Variants in XRN2 observed in about 807,000 individuals in gnomAD.
XRN2 encodes DHM1-like protein.
In XRN2, 44 loss-of-function variants were observed where a neutral mutation model predicts 138.5. The ratio of observed to expected loss-of-function variants is 0.32; its 90% CI spans 0.25 to 0.41. The LOEUF is 0.41. XRN2 is among the 10% of genes least tolerant of loss of function. The pLI, the probability that XRN2 is intolerant of heterozygous loss-of-function variation, is 1.00. For synonymous variants in XRN2, 354 were observed against 369.4 expected (o/e 0.96, Z 0.48); for missense variants, 937 against 1,169.3 (o/e 0.80, Z 2.90).
chr20:21,339,165 C>T, intron 14 of XRN2, 77 bp downstream of exon 14: 1 of 1,424,916 alleles, frequency 7.0e-7, no homozygotes, highest in Non-Finnish European at 9.8e-7. Context: ...ATTACAGTAG[C>T]TTTATTCCTT....
intron 6 of XRN2, among the ~76,000 whole-genome samples, chr20:21,331,339 T>A (rs1414451005): frequency 1.3e-5 from 2 of 151,198 alleles, no homozygotes; most frequent in Non-Finnish European, 1.5e-5. Flanking sequence ...TTGGTGTCTC[T>A]CACACACACA....
chr20:21,328,680 A>G lies in XRN2; in HGVS notation c.427+10A>G. On this transcript the variant is annotated intron_variant, in intron 4 of 29. Transcript: ENST00000377191. ...GAAATATTGGCAAAAGGTAAAGAAT[A>G]TGCATCTTGAAGTTGGATTTTTTCA... 5 of 1,610,620 alleles carry G rather than the reference A, an allele frequency of 3.1e-6. No individual in the cohort carries two copies. Among genetic ancestry groups the G allele is most frequent in the African/African-American group, 1.3e-5 (1 of 75,048 alleles).
rs2038464677 is a variant in XRN2 at position 21,348,350 on chromosome 20, C to G, written c.1783C>G (p.Leu595Val). 1 of 1,613,866 alleles carries G rather than the reference C, an allele frequency of 6.2e-7. No homozygotes were observed. Among genetic ancestry groups the G allele is most frequent in the African/African-American group, 1.3e-5 (1 of 74,896 alleles). ...TTTTTTCTTTTTTCAGTTTAAACCACTAGAACAACTTATGGGGGTATTTCC... is the reference window on the plus strand; with the variant it reads ...TTTTTTCTTTTTTCAGTTTAAACCAGTAGAACAACTTATGGGGGTATTTCC... The part of the protein sequence containing the change: ...FEKGTKPFKP[L>V]EQLMGVFPAA... Residue 595 changes from leucine (L) to valine (V), a missense_variant, in exon 19 of 30, where the codon CTA (leucine) becomes GTA (valine). By Grantham distance (32) the Leu-to-Val change is conservative. Transcript: ENST00000377191.
At chr20:21,362,583 G>T (rs886688785) in intron 24 of XRN2, among the ~76,000 whole-genome samples, 1 of 151,368 alleles carries the variant, frequency 6.6e-6, no homozygotes, top group Non-Finnish European at 1.5e-5. Flanking sequence ...CTGCTGGGTT[G>T]TTCTTTCTGA....
Position 21,389,449 on chromosome 20 carries a change from ATTTCT to A in XRN2, c.*115_*119del, listed in dbSNP as rs2038966851. 2 of 984,960 alleles carry A rather than the reference ATTTCT, an allele frequency of 2.0e-6. No homozygotes were observed. The highest frequency in any genetic ancestry group is 1.6e-5 in the African/African-American group (1 of 60,710). 61.0% of individuals were successfully genotyped at this position (984,960 alleles called of 1,614,324 possible). A position where few individuals can be genotyped will look rare whatever the true frequency, so the allele number is the denominator to read the frequency against. On this transcript the variant is annotated 3_prime_UTR_variant, in exon 30 of 30. Transcript: ENST00000377191. ...TTAATAAAACTACAGTACTTTGTGT[ATTTCT>A]TTTAACTGTGTATATTTCTACTGAT...
At chr20:21,316,461 G>T (rs934615044) in intron 1 of XRN2, among the ~76,000 whole-genome samples, 8 of 152,058 alleles carry the variant, frequency 5.3e-5, no homozygotes, top group African/African-American at 1.9e-4. Context: ...AGTTGTTTGG[G>T]TTGAGTTAAG....
At position 21,348,443 on chromosome 20, in the gene XRN2, AT is replaced by A; in HGVS notation, c.1863+17del. 2 of 1,609,382 alleles carry A rather than the reference AT, an allele frequency of 1.2e-6. No individual in the cohort carries two copies. The highest frequency in any genetic ancestry group is 8.5e-7 in the Non-Finnish European group (1 of 1,177,448). ...CATGAGTGATCCTGTGAGTCTCAGT[AT>A]TTTGAGTGTGTGGGTGACAGGATTT... is the stretch of plus-strand genomic sequence containing the variant. On this transcript the variant is annotated intron_variant, in intron 19 of 29. Coordinates refer to ENST00000377191, the MANE Select transcript of XRN2 (RefSeq NM_012255.5).
rs918471893 is a variant in XRN2, at chr20:21,303,378, C to T, written c.-21C>T. On this transcript the variant is annotated 5_prime_UTR_variant, in exon 1 of 30. Coordinates refer to ENST00000377191, the MANE Select transcript of XRN2 (RefSeq NM_012255.5). ...TTACGCTCGTCAGCCGGTCGGCCGC[C>T]GCCTCCAGCCGTGTGCCGCTATGGG... The T allele has an allele frequency of 1.9e-6, 3 of 1,542,680 alleles. No homozygotes were observed. Among genetic ancestry groups the T allele is most frequent in the Non-Finnish European group, 2.6e-6 (3 of 1,144,282 alleles).
At chr20:21,365,246 A>T (rs372853965) in intron 24 of XRN2, among the ~76,000 whole-genome samples, 175 bp from the exon 25 acceptor site, 1 of 152,186 alleles carries the variant, frequency 6.6e-6, no homozygotes, top group South Asian at 2.1e-4. Flanking sequence ...CATGAAGGTT[A>T]TATGTACCAG....
intron 24 of XRN2, among the ~76,000 whole-genome samples, chr20:21,363,835 T>C (rs1165651359): frequency 6.6e-6 from 1 of 152,264 alleles, no homozygotes; most frequent in Non-Finnish European, 1.5e-5. Flanking sequence ...AACAAGTTAC[T>C]AACTTATAGA....
At chr20:21,339,568 G>A (rs961530566) in intron 14 of XRN2, among the ~76,000 whole-genome samples, 1 of 152,108 alleles carries the variant, frequency 6.6e-6, no homozygotes, top group Non-Finnish European at 1.5e-5. Flanking sequence ...AATTCCAGCC[G>A]TCCAGCACAT....
chr20:21,373,099 A>G (rs1205297975), intron 27 of XRN2, among the ~76,000 whole-genome samples: 1 of 151,856 alleles, frequency 6.6e-6, no homozygotes, highest in Admixed American at 6.6e-5. Flanking sequence ...CACAACCTCC[A>G]CCTTTTAGGT....
intron 16 of XRN2, among the ~76,000 whole-genome samples, chr20:21,344,421 C>T (rs1372108191): frequency 2.0e-5 from 3 of 152,104 alleles, no homozygotes; most frequent in African/African-American, 7.2e-5. Flanking sequence ...GATTAGTATG[C>T]GTGCAGGCTT....
Position 21,347,880 on chromosome 20 carries a change from A to G in XRN2, c.1666-266A>G, listed in dbSNP as rs562248116. 8.5e-5 allele frequency among the ~76,000 whole-genome samples: 13 copies of G among 152,376 alleles called. No individual in the cohort carries two copies. The South Asian group carries it at 2.5e-3, about 29-fold the overall frequency. ...AAATCTTACCAAATTGTGTTTGTGA[A>G]TATGAAGTTTGGCAGTAACTACTGA... is the stretch of plus-strand genomic sequence containing the variant. On this transcript the variant is annotated intron_variant, in intron 17 of 29. Coordinates refer to ENST00000377191, the MANE Select transcript of XRN2 (RefSeq NM_012255.5).
At chr20:21,337,439 A>G (rs1275210745) in intron 13 of XRN2, among the ~76,000 whole-genome samples, 1 of 152,180 alleles carries the variant, frequency 6.6e-6, no homozygotes, top group Non-Finnish European at 1.5e-5. Flanking sequence ...GGGAGGTGCA[A>G]AGGTGGGTTG....
At chr20:21,357,066 A>G (rs2038584384) in intron 23 of XRN2, among the ~76,000 whole-genome samples, 1 of 152,210 alleles carries the variant, frequency 6.6e-6, no homozygotes, top group Non-Finnish European at 1.5e-5. Context: ...TTGAAAGTAT[A>G]CAACAATGAC....
chr20:21,349,081 A>C (rs570187016), intron 19 of XRN2, among the ~76,000 whole-genome samples: 7 of 152,322 alleles, frequency 4.6e-5, no homozygotes, highest in African/African-American at 1.7e-4. Flanking sequence ...AGCTAGAAAG[A>C]GTGAGACCCA....
At chr20:21,317,902 G>GT (rs2037982439) in intron 1 of XRN2, among the ~76,000 whole-genome samples, 1 of 152,118 alleles carries the variant, frequency 6.6e-6, no homozygotes, top group Admixed American at 6.5e-5. Flanking sequence ...CTGGTCTGCA[G>GT]TTTTTTCTTT....
rs999911555 is a variant in XRN2, at chr20:21,339,146, A to T, written c.1278+58A>T. The T allele has an allele frequency of 2.0e-6, 3 of 1,521,426 alleles. No homozygotes were observed. The African/African-American group carries it at 4.1e-5, about 21-fold the overall frequency. The allele number at this position is 1,521,426 out of a possible 1,614,324, so 94.2% of individuals were successfully genotyped here. ...TAGCGTAATTTTACAATTTATGAGG[A>T]AGATGTTCATTACAGTAGCTTTATT... On this transcript the variant is annotated intron_variant, in intron 14 of 29. Coordinates refer to ENST00000377191, the MANE Select transcript of XRN2 (RefSeq NM_012255.5).
Sources: gnomAD v4.1 joint callset for allele counts (sites outside exome capture counted in the v4.1 genomes callset) on GRCh38, gnomAD v4.1.1 for gene constraint, MANE v1.5 for transcripts, NCBI Gene and HGNC (gene_info 2026-07-23, HGNC 2026-07-21) for gene names.